COL6A5: variants seen among roughly 807,000 people sequenced by gnomAD.
COL6A5 encodes collagen type VI alpha 5 chain, also known as collagen alpha-5(VI) chain.
Under a neutral mutation model 65.6 loss-of-function variants are expected in COL6A5, and 48 were observed. That is an observed-to-expected ratio of 0.73 (90% confidence interval 0.58 to 0.93). COL6A5 has a LOEUF of 0.93. COL6A5 is among the 40% of genes least tolerant of loss of function. The pLI is 0.00. For synonymous variants in COL6A5, 291 were observed against 322.8 expected, an observed-to-expected ratio of 0.90 and a Z score of 1.05; for missense variants, 914 against 928.3, an observed-to-expected ratio of 0.98 and a Z score of 0.20.
chr3:130,375,353 A>G (rs1935725393), intron 2 of COL6A5, among the ~76,000 whole-genome samples: 1 of 152,134 alleles, frequency 6.6e-6, no homozygotes, highest in Admixed American at 6.5e-5. Context: ...TCTTGCCTCA[A>G]AGAGGGACAG....
intron 3 of COL6A5, among the ~76,000 whole-genome samples, chr3:130,377,740 C>A (rs62284289): frequency 0.016 from 2,460 of 152,230 alleles, 35 homozygotes; most frequent in Non-Finnish European, 0.027. Flanking sequence ...GTTTCCTTAC[C>A]TGTAAAGTGA....
At chr3:130,400,921 T>C in intron 10 of COL6A5, 110 bp from the exon 11 acceptor site, 1 of 910,914 alleles carries the variant, frequency 1.1e-6, no homozygotes, top group East Asian at 2.8e-5. Context: ...GTTTGTTTTT[T>C]TCCCCTTTTC....
At chr3:130,357,168 A>G (rs1230971772) in intron 1 of COL6A5, among the ~76,000 whole-genome samples, 1 of 152,208 alleles carries the variant, frequency 6.6e-6, no homozygotes, top group Non-Finnish European at 1.5e-5. Context: ...CCTAGAGAGT[A>G]GAAAAAAAGG....
At chr3:130,365,375 T>C (rs1426179738) in intron 1 of COL6A5, among the ~76,000 whole-genome samples, 1 of 152,196 alleles carries the variant, frequency 6.6e-6, no homozygotes, top group Non-Finnish European at 1.5e-5. Context: ...CCTCCCGGGT[T>C]CACGCTATTC....
At chr3:130,484,056 C>G in exon 8 of COL6A5, 1 of 1,607,494 alleles carries the variant, frequency 6.2e-7, no homozygotes, top group Non-Finnish European at 8.5e-7. Context: ...ACAAGGTCAT[C>G]ATAGGAGAAA....
intron 21 of COL6A5, 121 bp downstream of exon 21, chr3:130,413,701 C>G: frequency 9.9e-7 from 1 of 1,012,866 alleles, no homozygotes. Flanking sequence ...GTGCCCAGTA[C>G]TGGACGTGAT....
chr3:130,424,900 G>A (rs904835814), intron 29 of COL6A5, among the ~76,000 whole-genome samples: 2 of 152,008 alleles, frequency 1.3e-5, no homozygotes, highest in Non-Finnish European at 2.9e-5. Flanking sequence ...GCTTGGCCAA[G>A]CTAGTCTGGA....
rs1003006379 is a variant in COL6A5 at position 130,386,128 on chromosome 3, G to A, written c.1861+764G>A. Among the ~76,000 whole-genome samples the A allele has an allele frequency of 3.3e-5, 5 of 151,984 alleles. 1 individual carries two copies. Reference sequence around the variant, plus strand: ...GTGTTGATTGCCAGTATTAGCACATGAAAATATTGCCTGCTGAGAAGCACA... The same window carrying A: ...GTGTTGATTGCCAGTATTAGCACATAAAAATATTGCCTGCTGAGAAGCACA... On this transcript the variant is annotated intron_variant and NMD_transcript_variant, in intron 5 of 41. Transcript: ENST00000312481.
intron 3 of COL6A5, among the ~76,000 whole-genome samples, chr3:130,442,238 A>C (rs1353473363): frequency 6.6e-6 from 1 of 152,162 alleles, no homozygotes; most frequent in Non-Finnish European, 1.5e-5. Context: ...GATGTATAGT[A>C]AATATATCAC....
intron 4 of COL6A5, among the ~76,000 whole-genome samples, chr3:130,384,215 G>A (rs1401808169): frequency 1.3e-5 from 2 of 152,008 alleles, no homozygotes; most frequent in Non-Finnish European, 2.9e-5. Flanking sequence ...ACAGAATGAA[G>A]CCTAATGTGG....
chr3:130,377,674 C>G (rs191739744), intron 3 of COL6A5, among the ~76,000 whole-genome samples: 236 of 152,278 alleles, frequency 1.5e-3, no homozygotes, highest in Middle Eastern at 6.8e-3. Flanking sequence ...GGTCTGAGTT[C>G]AAACCCTGGC....
chr3:130,395,061 G>T (rs183470574), exon 8 of COL6A5: 1 of 1,551,530 alleles, frequency 6.4e-7, no homozygotes, highest in Non-Finnish European at 8.7e-7. Flanking sequence ...AACTACCAGA[G>T]TATTATTGAG....
intron 1 of COL6A5, among the ~76,000 whole-genome samples, chr3:130,352,805 CAT>C (rs781306080): frequency 6.6e-6 from 1 of 152,124 alleles, no homozygotes; most frequent in African/African-American, 2.4e-5. Flanking sequence ...AAGGAGATAA[CAT>C]AATCAAATTT....
chr3:130,359,372 G>A (rs1403327695), intron 1 of COL6A5, among the ~76,000 whole-genome samples: 1 of 151,914 alleles, frequency 6.6e-6, no homozygotes, highest in Non-Finnish European at 1.5e-5. Flanking sequence ...ATTAGGCACA[G>A]TTTTTTAGAA....
At chr3:130,363,505 A>G (rs1421428986) in intron 1 of COL6A5, among the ~76,000 whole-genome samples, 1 of 152,118 alleles carries the variant, frequency 6.6e-6, no homozygotes, top group Non-Finnish European at 1.5e-5. Flanking sequence ...TGGGGACTAG[A>G]GTTGGGTATT....
intron 8 of COL6A5, among the ~76,000 whole-genome samples, chr3:130,396,409 G>C (rs1039546884): frequency 2.0e-5 from 3 of 152,200 alleles, no homozygotes; most frequent in Non-Finnish European, 4.4e-5. Flanking sequence ...CCAGGGCCTG[G>C]AATCAGAAAG....
At chr3:130,442,703 A>G (rs1709214024) in intron 3 of COL6A5, among the ~76,000 whole-genome samples, 1 of 152,204 alleles carries the variant, frequency 6.6e-6, no homozygotes, top group African/African-American at 2.4e-5. Flanking sequence ...CTGCATCACA[A>G]TTCTTGCCCA....
intron 7 of COL6A5, among the ~76,000 whole-genome samples, chr3:130,475,007 CAAAAAAAAAAA>C (rs57263258): frequency 1.5e-5 from 1 of 65,052 alleles, no homozygotes; most frequent in Non-Finnish European, 2.6e-5. Flanking sequence ...ACCATGTCTC[CAAAAAAAAAAA>C]AAAAAAAAAA....
At chr3:130,413,722 C>G in intron 21 of COL6A5, 142 bp downstream of exon 21, 1 of 846,278 alleles carries the variant, frequency 1.2e-6, no homozygotes, top group South Asian at 1.6e-5. Flanking sequence ...CCCCACTGAC[C>G]CAATAATCAC....
Sources: allele counts gnomAD v4.1 joint callset (sites outside exome capture counted in the v4.1 genomes callset), GRCh38; gene constraint gnomAD v4.1.1; transcripts MANE v1.5; gene names NCBI Gene and HGNC (gene_info 2026-07-23, HGNC 2026-07-21).